Variants in KCNN2 observed in about 807,000 individuals in gnomAD.
KCNN2 encodes the protein small conductance calcium-activated potassium channel protein 2.
In KCNN2, 24 loss-of-function variants were observed where a neutral mutation model predicts 55.5. The observed-to-expected ratio is 0.43, with a 90% CI of 0.31 to 0.61. The LOEUF is 0.61. Ranked by LOEUF, KCNN2 falls within the 20% of genes least tolerant of loss-of-function variation. The probability of loss-of-function intolerance (pLI) is 0.08; values close to 1 mark genes in which losing one functional copy is unlikely to be tolerated. For synonymous variants in KCNN2, 431 were observed against 336.1 expected (o/e 1.28, Z -3.09); for missense variants, 754 against 853.6 (o/e 0.88, Z 1.45).
At chr5:114,357,786 A>G (rs1224062149), upstream of KCNN2, among the ~76,000 whole-genome samples, 1 of 150,752 alleles carries the variant, frequency 6.6e-6, no homozygotes, top group East Asian at 2.0e-4. Context: ...TTATAGCAGC[A>G]TGATTTATAG....
chr5:114,480,932 A>G (rs1762198086), intron 5 of KCNN2, among the ~76,000 whole-genome samples: 1 of 152,210 alleles, frequency 6.6e-6, no homozygotes, highest in African/African-American at 2.4e-5. Flanking sequence ...AGCCAGAAGC[A>G]TTCCCCTTGA....
At chr5:114,469,032 G>C (rs943951690) in intron 4 of KCNN2, among the ~76,000 whole-genome samples, 2 of 152,160 alleles carry the variant, frequency 1.3e-5, no homozygotes, top group Non-Finnish European at 2.9e-5. Flanking sequence ...TACAGTTTCT[G>C]CGCTATAATG....
chr5:114,462,109 C>T (rs543758250), intron 3 of KCNN2, among the ~76,000 whole-genome samples: 1 of 152,234 alleles, frequency 6.6e-6, no homozygotes, highest in African/African-American at 2.4e-5. Context: ...ACAGAATGTG[C>T]ATCTAGAGCA....
intron 3 of KCNN2, among the ~76,000 whole-genome samples, chr5:114,416,818 C>G (rs761165242): frequency 2.0e-5 from 3 of 152,062 alleles, no homozygotes; most frequent in Non-Finnish European, 4.4e-5. Context: ...TATAAAACCT[C>G]ATGTAGGAAT....
chr5:114,161,248 G>C (rs985626742), intron 1 of KCNN2, among the ~76,000 whole-genome samples: 2 of 151,996 alleles, frequency 1.3e-5, no homozygotes, highest in Non-Finnish European at 2.9e-5. Flanking sequence ...TTTTATTTCT[G>C]CTTCACTTAT....
intron 2 of KCNN2, among the ~76,000 whole-genome samples, chr5:114,319,165 C>G (rs1756565772): frequency 6.6e-6 from 1 of 152,148 alleles, no homozygotes; most frequent in South Asian, 2.1e-4. Context: ...CCTTCATATT[C>G]TGAGCGGGAA....
chr5:114,071,066 T>C (rs1475933967), intron 1 of KCNN2, among the ~76,000 whole-genome samples: 1 of 152,196 alleles, frequency 6.6e-6, no homozygotes, highest in African/African-American at 2.4e-5. Flanking sequence ...TATGTATGCA[T>C]GTGAAATATA....
At chr5:114,130,067 TCA>T in intron 1 of KCNN2, among the ~76,000 whole-genome samples, 1 of 152,354 alleles carries the variant, frequency 6.6e-6, no homozygotes, top group Non-Finnish European at 1.5e-5. Context: ...CTATGGAACA[TCA>T]CCTTCCTCCC....
In KCNN2 at chr5:114,495,883, C is replaced by T. The variant is rs765322700; in HGVS notation, c.2089-12C>T. Reference sequence around the variant, plus strand: ...AAGTATAATTAACCTTCTTCTCAATCCTGTTTTTCAGACCCAGAACATCAT... The same window carrying T: ...AAGTATAATTAACCTTCTTCTCAATTCTGTTTTTCAGACCCAGAACATCAT... On this transcript the variant is annotated splice_polypyrimidine_tract_variant and intron_variant, in intron 7 of 7. Coordinates refer to ENST00000673685, the MANE Select transcript of KCNN2 (RefSeq NM_021614.4). The T allele has an allele frequency of 6.2e-6, 10 of 1,609,330 alleles. No individual in the cohort carries two copies. The highest frequency in any genetic ancestry group is 8.5e-6 in the Non-Finnish European group (10 of 1,176,616).
At chr5:114,493,301 A>G (rs1291135951) in intron 6 of KCNN2, 102 bp from the exon 7 acceptor site, 1 of 796,812 alleles carries the variant, frequency 1.3e-6, no homozygotes, top group Non-Finnish European at 2.3e-6. Flanking sequence ...GGCATTATCC[A>G]TGCAGTTATT....
chr5:114,395,702 A>T (rs542778927), intron 2 of KCNN2, among the ~76,000 whole-genome samples: 1 of 152,292 alleles, frequency 6.6e-6, no homozygotes, highest in East Asian at 1.9e-4. Flanking sequence ...AATTGAGTGC[A>T]TTAACATATC....
At chr5:114,313,064 T>C (rs1756436973) in intron 2 of KCNN2, among the ~76,000 whole-genome samples, 1 of 152,132 alleles carries the variant, frequency 6.6e-6, no homozygotes, top group Admixed American at 6.6e-5. Context: ...CTCTGTTATG[T>C]TTTCCCTTTG....
intron 1 of KCNN2, among the ~76,000 whole-genome samples, chr5:114,130,275 A>G (rs1468370415): frequency 1.3e-5 from 2 of 152,212 alleles, no homozygotes; most frequent in Non-Finnish European, 2.9e-5. Flanking sequence ...GATCTACTCA[A>G]ACCTATATTT....
At chr5:114,204,188 C>A (rs1030406943) in intron 1 of KCNN2, among the ~76,000 whole-genome samples, 1 of 152,024 alleles carries the variant, frequency 6.6e-6, no homozygotes, top group African/African-American at 2.4e-5. Flanking sequence ...ATGCTAACAT[C>A]CTCCCCCATC....
Position 114,317,710 on chromosome 5 carries a change from C to T in KCNN2, c.-184-43235C>T, listed in dbSNP as rs151090083. Among the ~76,000 whole-genome samples, 509 of 152,286 alleles carry T rather than the reference C, an allele frequency of 3.3e-3. 6 individuals carry two copies. The highest frequency in any genetic ancestry group is 0.011 in the African/African-American group (445 of 41,580). On this transcript the variant is annotated intron_variant, in intron 2 of 10. Transcript: ENST00000512097. ...GTGAGGAGGAATTTTGGAAGTAGAT[C>T]CTATGTCACAGGAGAACTCAGGTGA...
At chr5:114,401,536 A>G (rs1758786812) in intron 2 of KCNN2, among the ~76,000 whole-genome samples, 1 of 152,180 alleles carries the variant, frequency 6.6e-6, no homozygotes, top group Non-Finnish European at 1.5e-5. Context: ...TCTCACTAAC[A>G]AGTAGGGGAG....
At chr5:114,371,910 T>C (rs1194773677) in intron 2 of KCNN2, among the ~76,000 whole-genome samples, 1 of 152,152 alleles carries the variant, frequency 6.6e-6, no homozygotes, top group African/African-American at 2.4e-5. Flanking sequence ...CCGACTCTTA[T>C]TAGTCTAAAA....
intron 3 of KCNN2, among the ~76,000 whole-genome samples, chr5:114,423,527 GA>G (rs1047542519): frequency 2.6e-5 from 4 of 151,494 alleles, no homozygotes; most frequent in Non-Finnish European, 4.4e-5. Flanking sequence ...ATTAGGAGAG[GA>G]AAAAAAACCC....
At chr5:114,159,736 G>T (rs1452747794) in intron 1 of KCNN2, among the ~76,000 whole-genome samples, 1 of 152,132 alleles carries the variant, frequency 6.6e-6, no homozygotes, top group Non-Finnish European at 1.5e-5. Context: ...TCTTGGGAGG[G>T]TGTATGTGTC....
Sources: allele counts gnomAD v4.1 joint callset (sites outside exome capture counted in the v4.1 genomes callset), GRCh38; gene constraint gnomAD v4.1.1; transcripts MANE v1.5; gene names NCBI Gene and HGNC (gene_info 2026-07-23, HGNC 2026-07-21).